The following CCSER1 variants were observed in gnomAD, a reference collection of about 807,000 sequenced individuals.
CCSER1 encodes coiled-coil serine rich protein 1, also known as serine-rich coiled-coil domain-containing protein 1.
CCSER1 carries 41 observed loss-of-function variants against 82.0 expected under a neutral mutation model. The observed-to-expected ratio is 0.50, with a 90% CI of 0.39 to 0.65. The LOEUF is 0.65. Ranked by LOEUF, CCSER1 falls within the 30% of genes least tolerant of loss-of-function variation. The pLI, the probability that CCSER1 is intolerant of heterozygous loss-of-function variation, is 0.00. For missense variants in CCSER1, 1,119 were observed against 1,064.2 expected, an observed-to-expected ratio of 1.05 and a Z score of -0.72; for synonymous variants, 414 against 383.9, an observed-to-expected ratio of 1.08 and a Z score of -0.92.
chr4:91,023,996 G>C (rs1056219387), intron 9 of CCSER1, among the ~76,000 whole-genome samples: 2 of 152,110 alleles, frequency 1.3e-5, no homozygotes, highest in African/African-American at 4.8e-5. Context: ...AGTCAAGGGG[G>C]TGCATCTGGT....
intron 5 of CCSER1, among the ~76,000 whole-genome samples, chr4:90,587,487 G>A (rs1409253908): frequency 1.3e-5 from 2 of 152,160 alleles, no homozygotes; most frequent in African/African-American, 2.4e-5. Flanking sequence ...GCAGGTGCCT[G>A]TAGTCCCAGC....
intron 10 of CCSER1, among the ~76,000 whole-genome samples, chr4:91,281,748 C>T (rs1365536194): frequency 6.6e-6 from 1 of 152,128 alleles, no homozygotes; most frequent in Non-Finnish European, 1.5e-5. Flanking sequence ...CTAGCTTCTC[C>T]AGTCAGTGTA....
chr4:90,689,233 G>A (rs1463509602), intron 6 of CCSER1, among the ~76,000 whole-genome samples: 2 of 151,938 alleles, frequency 1.3e-5, no homozygotes, highest in African/African-American at 4.8e-5. Context: ...ATCTGGAGAG[G>A]GGAAGCAGGA....
chr4:90,406,548 C>A (rs1753760493), intron 4 of CCSER1, among the ~76,000 whole-genome samples: 1 of 152,058 alleles, frequency 6.6e-6, no homozygotes, highest in African/African-American at 2.4e-5. Context: ...CCAACAACTG[C>A]AGAATATATG....
At chr4:90,868,528 G>T (rs573257322) in intron 8 of CCSER1, among the ~76,000 whole-genome samples, 1 of 151,942 alleles carries the variant, frequency 6.6e-6, no homozygotes, top group African/African-American at 2.4e-5. Flanking sequence ...CACATTACAG[G>T]ACCTCATTCT....
intron 10 of CCSER1, among the ~76,000 whole-genome samples, chr4:91,559,141 A>T (rs1285599056): frequency 1.3e-5 from 2 of 151,666 alleles, no homozygotes; most frequent in Admixed American, 6.6e-5. Flanking sequence ...ACCTCTGTCA[A>T]CTATTCTGTG....
intron 7 of CCSER1, among the ~76,000 whole-genome samples, chr4:90,799,752 T>C (rs971220104): frequency 6.6e-6 from 1 of 152,184 alleles, no homozygotes; most frequent in African/African-American, 2.4e-5. Context: ...AATATTCTGT[T>C]ACACATGCTC....
At chr4:91,294,471 C>A (rs75755863) in intron 10 of CCSER1, among the ~76,000 whole-genome samples, 7,276 of 151,756 alleles carry the variant, frequency 0.048, 570 homozygotes, top group African/African-American at 0.16. Flanking sequence ...CTAGGCCTGC[C>A]TAACAAGTTA....
At chr4:90,622,886 G>A (rs980339361) in intron 5 of CCSER1, among the ~76,000 whole-genome samples, 8 of 152,116 alleles carry the variant, frequency 5.3e-5, no homozygotes, top group Non-Finnish European at 1.2e-4. Flanking sequence ...CCCACCAACA[G>A]TGTAAAAGTG....
chr4:90,143,482 G>C (rs1464696745), intron 1 of CCSER1, among the ~76,000 whole-genome samples: 2 of 82,154 alleles, frequency 2.4e-5, no homozygotes, highest in Non-Finnish European at 5.4e-5. Flanking sequence ...TTCCTAGCAA[G>C]TACACACATA....
intron 5 of CCSER1, among the ~76,000 whole-genome samples, chr4:90,503,877 C>A (rs1031528869): frequency 2.0e-5 from 3 of 152,102 alleles, no homozygotes; most frequent in Admixed American, 1.3e-4. Flanking sequence ...TTACATAGAT[C>A]ATCTATGACA....
chr4:91,183,223 A>G lies in CCSER1; in HGVS notation c.2217+97229A>G, dbSNP rs2149033864. On this transcript the variant is annotated intron_variant, in intron 10 of 10. Transcript: ENST00000509176. The stretch of plus-strand genomic sequence containing the variant: ...CAATTAACTGTGTGGGATGAACCAC[A>G]TATGAAGAATCAGAAATCACATTAA... Among the ~76,000 whole-genome samples, 2 of 152,360 alleles carry G rather than the reference A, an allele frequency of 1.3e-5. 1 individual carries two copies. Among genetic ancestry groups the G allele is most frequent in the Middle Eastern group, 6.8e-3 (2 of 294 alleles).
intron 3 of CCSER1, among the ~76,000 whole-genome samples, chr4:90,369,474 A>T (rs1479509388): frequency 6.6e-6 from 1 of 151,988 alleles, no homozygotes; most frequent in Non-Finnish European, 1.5e-5. Flanking sequence ...GGAGATTGAG[A>T]GTAAAATAAA....
In CCSER1 at chr4:91,601,204, A is replaced by G. The variant is rs547142153; in HGVS notation, c.*2147A>G. 6.6e-6 allele frequency: 1 copy of G among 152,240 alleles called. No homozygotes were observed. Among genetic ancestry groups the G allele is most frequent in the South Asian group, 2.1e-4 (1 of 4,830 alleles). The allele number at this position is 152,240 out of a possible 1,614,324, so 9.4% of individuals were successfully genotyped here. ...GACTTTTGAATTATACTTTATAAAA[A>G]TAATCTATTTATAGAAGATCTGTCA... On this transcript the variant is annotated 3_prime_UTR_variant, in exon 11 of 11. Transcript: ENST00000509176.
At position 91,195,630 on chromosome 4, in the gene CCSER1, G is replaced by A. The variant is rs1368904910; in HGVS notation, c.2217+109636G>A. ...ACTGCTTTTATTTGCCATGTGCCCTGCTACTCAAGATTTTCATAATGCTTC... is the reference window on the plus strand; with the variant it reads ...ACTGCTTTTATTTGCCATGTGCCCTACTACTCAAGATTTTCATAATGCTTC... On this transcript the variant is annotated intron_variant, in intron 10 of 10. Coordinates refer to ENST00000509176, the MANE Select transcript of CCSER1 (RefSeq NM_001145065.2). Among the ~76,000 whole-genome samples the A allele has an allele frequency of 2.0e-5, 3 of 152,066 alleles. No individual in the cohort carries two copies. The South Asian group carries it at 6.2e-4, about 32-fold the overall frequency.
At chr4:90,551,278 A>G (rs1311692532) in intron 5 of CCSER1, among the ~76,000 whole-genome samples, 2 of 152,112 alleles carry the variant, frequency 1.3e-5, no homozygotes. Context: ...ATCTCTTCAC[A>G]TGTTTTATAA....
chr4:90,904,916 T>TC (rs1725232959), intron 8 of CCSER1, among the ~76,000 whole-genome samples: 1 of 152,096 alleles, frequency 6.6e-6, no homozygotes, highest in Non-Finnish European at 1.5e-5. Flanking sequence ...CGCCCATTCA[T>TC]CCCATCTCCA....
chr4:90,430,162 A>G (rs914745557), intron 4 of CCSER1, among the ~76,000 whole-genome samples: 4 of 151,884 alleles, frequency 2.6e-5, no homozygotes, highest in African/African-American at 9.7e-5. Context: ...AATTGATGAC[A>G]TTACAGTTAC....
At chr4:90,889,713 G>A (rs141599051) in intron 8 of CCSER1, among the ~76,000 whole-genome samples, 215 of 152,204 alleles carry the variant, frequency 1.4e-3, no homozygotes, top group African/African-American at 5.0e-3. Flanking sequence ...GAGATGTGCC[G>A]TTTTACATAG....
Sources: gnomAD v4.1 joint callset for allele counts (sites outside exome capture counted in the v4.1 genomes callset) on GRCh38, gnomAD v4.1.1 for gene constraint, MANE v1.5 for transcripts, NCBI Gene and HGNC (gene_info 2026-07-23, HGNC 2026-07-21) for gene names.